The following HNMT variants were observed in gnomAD, a reference collection of about 807,000 sequenced individuals.
The protein encoded by HNMT is histamine N-methyltransferase.
Under a neutral mutation model 32.1 loss-of-function variants are expected in HNMT, and 30 were observed. The ratio of observed to expected loss-of-function variants is 0.93; its 90% CI spans 0.70 to 1.27. HNMT has a LOEUF of 1.27. HNMT is among the 50% of genes most tolerant of loss of function. The pLI is 0.00. For synonymous variants in HNMT, 125 were observed against 119.0 expected (o/e 1.05, Z -0.33); for missense variants, 327 against 346.0 (o/e 0.95, Z 0.43).
At position 138,013,953 on chromosome 2, in the gene HNMT, T is replaced by C; in HGVS notation, c.702T>C (p.Asn234=). The change falls in exon 6 of 6, where the codon AAT becomes AAC. Residue 234 remains asparagine (N), a synonymous_variant. Coordinates refer to ENST00000280097, the MANE Select transcript of HNMT (RefSeq NM_006895.3). The stretch of plus-strand genomic sequence containing the variant: ...TATCTGACTGCTTTATTGATGGTAA[T>C]GAAAATGGAGACCTGCTTTGGGATT... The part of the protein sequence containing the change: ...MDISDCFIDG[N]ENGDLLWDFL... 6.2e-7 allele frequency: 1 copy of C among 1,613,846 alleles called. No homozygotes were observed. Among genetic ancestry groups the C allele is most frequent in the Non-Finnish European group, 8.5e-7 (1 of 1,179,862 alleles).
rs192497435 is a variant in HNMT, at chr2:137,969,770, A to G, written c.138-395A>G. On this transcript the variant is annotated intron_variant, in intron 1 of 5. Coordinates refer to ENST00000280097, the MANE Select transcript of HNMT (RefSeq NM_006895.3). Reference sequence around the variant, plus strand: ...TGTTCATTAAAAGGAAGGTTAAAAAAAGGGGGAGGAAAGAAGGCAAACATT... The same window carrying G: ...TGTTCATTAAAAGGAAGGTTAAAAAGAGGGGGAGGAAAGAAGGCAAACATT... 1.8e-3 allele frequency among the ~76,000 whole-genome samples: 274 copies of G among 152,300 alleles called. 2 individuals are homozygous for G. Among genetic ancestry groups the G allele is most frequent in the Non-Finnish European group, 1.4e-3 (92 of 68,022 alleles).
At chr2:137,996,064 A>G (rs951909340) in intron 2 of HNMT, among the ~76,000 whole-genome samples, 1 of 152,248 alleles carries the variant, frequency 6.6e-6, no homozygotes, top group Non-Finnish European at 1.5e-5. Flanking sequence ...AACCAATATC[A>G]TATTGAATAG....
intron 2 of HNMT, among the ~76,000 whole-genome samples, chr2:137,973,923 G>T (rs1248654208): frequency 6.6e-6 from 1 of 152,056 alleles, no homozygotes; most frequent in Non-Finnish European, 1.5e-5. Flanking sequence ...TGAGGTTTTT[G>T]CAAAGGTGCT....
intron 2 of HNMT, among the ~76,000 whole-genome samples, chr2:137,977,952 T>C (rs1049873928): frequency 1.1e-4 from 16 of 152,142 alleles, no homozygotes; most frequent in African/African-American, 3.4e-4. Flanking sequence ...GCTCCAGCAA[T>C]TGGCCTGGCC....
chr2:137,982,974 A>G (rs115758940), intron 2 of HNMT, among the ~76,000 whole-genome samples: 1 of 152,280 alleles, frequency 6.6e-6, no homozygotes, highest in East Asian at 1.9e-4. Flanking sequence ...TGAGGCTCAG[A>G]TGGTTTAAGA....
intron 5 of HNMT, among the ~76,000 whole-genome samples, chr2:138,011,673 A>G (rs933643591): frequency 9.2e-5 from 14 of 152,122 alleles, no homozygotes; most frequent in Admixed American, 5.9e-4. Context: ...TAGATCATAA[A>G]GGGGACTTGG....
chr2:138,002,499 G>T lies in HNMT; in HGVS notation c.429+305G>T, dbSNP rs138853407. On this transcript the variant is annotated intron_variant, in intron 4 of 5. Transcript: ENST00000280097. ...GTCTCGCTGTGTCATCCAGGCTGGA[G>T]TGCGGTGGCATGATCTTAGCTCACT... 153 of 396,574 alleles carry T rather than the reference G, an allele frequency of 3.9e-4. 5 individuals are homozygous for T. In the East Asian group the frequency reaches 8.0e-3, roughly 21 times the overall value. The allele number at this position is 396,574 out of a possible 1,614,324, so 24.6% of individuals were successfully genotyped here. A position where few individuals can be genotyped will look rare whatever the true frequency, so the allele number is the denominator to read the frequency against.
rs184117856 is a variant in HNMT, at chr2:137,969,417, G to A, written c.138-748G>A. Among the ~76,000 whole-genome samples the A allele has an allele frequency of 2.0e-3, 308 of 152,176 alleles. 1 individual carries two copies. The highest frequency in any genetic ancestry group is 6.9e-3 in the African/African-American group (286 of 41,514). Reference sequence around the variant, plus strand: ...GCAAATCCAAATGTCTGCTGAATTCGTATTTATTTTTTTTAAAAGCCCTGA... The same window carrying A: ...GCAAATCCAAATGTCTGCTGAATTCATATTTATTTTTTTTAAAAGCCCTGA... On this transcript the variant is annotated intron_variant, in intron 1 of 5. Coordinates refer to ENST00000280097, the MANE Select transcript of HNMT (RefSeq NM_006895.3).
Position 137,973,091 on chromosome 2 carries a change from A to G in HNMT, c.190+2874A>G, listed in dbSNP as rs112511485. On this transcript the variant is annotated intron_variant, in intron 2 of 5. Transcript: ENST00000280097. ...CCTTTAAGGTCACTTTTCATAAGAAATCAATCAGAAATGTAAGAAAAACTC... is the reference window on the plus strand; with the variant it reads ...CCTTTAAGGTCACTTTTCATAAGAAGTCAATCAGAAATGTAAGAAAAACTC... Among the ~76,000 whole-genome samples, 1,030 of 152,308 alleles carry G rather than the reference A, an allele frequency of 6.8e-3. 7 individuals are homozygous for G. Among genetic ancestry groups the G allele is most frequent in the African/African-American group, 0.024 (977 of 41,566 alleles).
chr2:137,988,095 C>A lies in HNMT; in HGVS notation c.191-12823C>A, dbSNP rs550323388. The stretch of plus-strand genomic sequence containing the variant: ...GCAAGCAATTCAGGGCTCCTGGAGC[C>A]GCAAAATTCAGAATATAAAACTGTG... On this transcript the variant is annotated intron_variant, in intron 2 of 5. Coordinates refer to ENST00000280097, the MANE Select transcript of HNMT (RefSeq NM_006895.3). 2.6e-5 allele frequency among the ~76,000 whole-genome samples: 4 copies of A among 151,966 alleles called. 1 individual carries two copies. Among genetic ancestry groups the A allele is most frequent in the South Asian group, 4.2e-4 (2 of 4,814 alleles).
chr2:138,002,070 T>C lies in HNMT; in HGVS notation c.305T>C (p.Val102Ala), dbSNP rs762357311. 1.3e-6 allele frequency: 2 copies of C among 1,577,626 alleles called. No individual in the cohort carries two copies. The highest frequency in any genetic ancestry group is 2.3e-5 in the East Asian group (1 of 43,826). ...CCTCTTCTCTGTATTTTAGAGCTTG[T>C]AGCCAAGACATCGAACCTCGAGAAC... ...AEQIAKYKEL[V>A]AKTSNLENVK... Residue 102 changes from valine (V) to alanine (A), a missense_variant, in exon 4 of 6, where the codon GTA becomes GCA. Physicochemically the swap from Val to Ala is moderately conservative, Grantham distance 64. Coordinates refer to ENST00000280097, the MANE Select transcript of HNMT (RefSeq NM_006895.3).
At chr2:138,002,733 C>T in intron 4 of HNMT, 1 of 886,316 alleles carries the variant, frequency 1.1e-6, no homozygotes, top group Non-Finnish European at 1.4e-6. Context: ...AGGTGTGAGC[C>T]ACTGCACCCA....
At chr2:137,987,364 T>C (rs556860382) in intron 2 of HNMT, among the ~76,000 whole-genome samples, 8 of 152,302 alleles carry the variant, frequency 5.3e-5, no homozygotes, top group African/African-American at 1.9e-4. Flanking sequence ...AGTTTTGCAA[T>C]GTACAATAAA....
At chr2:138,001,730 T>G (rs1198200654) in intron 3 of HNMT, among the ~76,000 whole-genome samples, 1 of 152,092 alleles carries the variant, frequency 6.6e-6, no homozygotes, top group East Asian at 1.9e-4. Context: ...GTAGTTTGTC[T>G]TCTCCTGAAT....
chr2:138,007,700 C>T (rs1681370525), intron 5 of HNMT, among the ~76,000 whole-genome samples: 1 of 152,048 alleles, frequency 6.6e-6, no homozygotes, highest in African/African-American at 2.4e-5. Flanking sequence ...CTGCAGCCGC[C>T]CTTTCTCATC....
chr2:137,994,007 G>A (rs1458050012), intron 2 of HNMT, among the ~76,000 whole-genome samples: 2 of 152,148 alleles, frequency 1.3e-5, no homozygotes, highest in African/African-American at 4.8e-5. Context: ...CCCTGCAAGA[G>A]CTCCTGAAGG....
chr2:138,002,971 G>A (rs1681222570), intron 4 of HNMT, among the ~76,000 whole-genome samples: 1 of 151,424 alleles, frequency 6.6e-6, no homozygotes. Context: ...TATAGAAAGG[G>A]AGTGACGCAA....
chr2:137,991,293 G>A (rs1431858560), intron 2 of HNMT, among the ~76,000 whole-genome samples: 1 of 152,208 alleles, frequency 6.6e-6, no homozygotes, highest in Non-Finnish European at 1.5e-5. Context: ...ACTGAAGCAT[G>A]GACAACCATG....
chr2:138,005,278 C>A, intron 5 of HNMT, 53 bp downstream of exon 5: 1 of 928,926 alleles, frequency 1.1e-6, no homozygotes, highest in Non-Finnish European at 1.8e-6. Flanking sequence ...TACACGTATG[C>A]ATGGATTCCT....
Sources: allele counts gnomAD v4.1 joint callset (sites outside exome capture counted in the v4.1 genomes callset), GRCh38; gene constraint gnomAD v4.1.1; transcripts MANE v1.5; gene names NCBI Gene and HGNC (gene_info 2026-07-23, HGNC 2026-07-21).